PCDH17: variants seen among roughly 807,000 people sequenced by gnomAD.
The protein encoded by PCDH17 is protocadherin-17.
A neutral mutation model predicts 67.7 loss-of-function variants in PCDH17; 21 were observed. The observed-to-expected ratio is 0.31, with a 90% CI of 0.22 to 0.45. The LOEUF is 0.45. Among genes scored for constraint, PCDH17 ranks in the 20% least tolerant of loss-of-function variants. PCDH17 has a pLI of 1.00. For missense variants in PCDH17, 1,471 were observed against 1,564.8 expected (o/e 0.94, Z 1.01); for synonymous variants, 701 against 656.7 (o/e 1.07, Z -1.03).
At chr13:57,704,037 C>T (rs571896874) in intron 3 of PCDH17, among the ~76,000 whole-genome samples, 1 of 152,062 alleles carries the variant, frequency 6.6e-6, no homozygotes, top group African/African-American at 2.4e-5. Context: ...GAGAAAGTCA[C>T]AGAAAAAAAT....
Position 57,635,056 on chromosome 13 carries a change from C to T in PCDH17, c.2510C>T (p.Thr837Ile), listed in dbSNP as rs1194674712. The T allele has an allele frequency of 2.5e-6, 4 of 1,613,606 alleles. No homozygotes were observed. Among genetic ancestry groups the T allele is most frequent in the African/African-American group, 1.3e-5 (1 of 74,908 alleles). ...CACGCGGGCTGCCACACCAGCTTCACCGGACAAGGGACTAATGCAAGCGAG... is the reference window on the plus strand; with the variant it reads ...CACGCGGGCTGCCACACCAGCTTCATCGGACAAGGGACTAATGCAAGCGAG... ...QGHAGCHTSF[T>I]GQGTNASETP... The change falls in exon 1 of 4, where the codon ACC becomes ATC. Residue 837 changes from threonine (T) to isoleucine (I), a missense_variant. Physicochemically the swap from Thr to Ile is moderately conservative, Grantham distance 89. Coordinates refer to ENST00000377918, the MANE Select transcript of PCDH17 (RefSeq NM_001040429.3).
At chr13:57,718,508 A>T (rs1408556733) in intron 3 of PCDH17, among the ~76,000 whole-genome samples, 1 of 152,098 alleles carries the variant, frequency 6.6e-6, no homozygotes, top group Non-Finnish European at 1.5e-5. Flanking sequence ...TTATGAATAT[A>T]GATTGTTAAG....
intron 3 of PCDH17, among the ~76,000 whole-genome samples, chr13:57,682,282 C>T (rs1477314409): frequency 6.6e-6 from 1 of 151,714 alleles, no homozygotes; most frequent in African/African-American, 2.4e-5. Flanking sequence ...CCTAGTTCTA[C>T]TTGAAATTTC....
chr13:57,666,696 T>G lies in PCDH17; in HGVS notation c.2660T>G (p.Leu887Arg). ...STFKDPERAS[L>R]RDSGHGDSDQ... Reference sequence around the variant, plus strand: ...TTTAAGGACCCAGAAAGAGCCAGCCTGAGAGACAGTGGGCACGGGGACAGT... The same window carrying G: ...TTTAAGGACCCAGAAAGAGCCAGCCGGAGAGACAGTGGGCACGGGGACAGT... Residue 887 changes from leucine (L) to arginine (R), a missense_variant, in exon 3 of 4, where the codon CTG becomes CGG. This residue lies in a region of PCDH17 where 1,163 missense variants were observed against 1,230.0 expected (regional missense o/e 0.95). Transcript: ENST00000377918. The G allele has an allele frequency of 6.2e-7, 1 of 1,613,460 alleles. No homozygotes were observed. The highest frequency in any genetic ancestry group is 8.5e-7 in the Non-Finnish European group (1 of 1,179,634).
intron 3 of PCDH17, among the ~76,000 whole-genome samples, chr13:57,700,265 A>T (rs1332740073): frequency 6.6e-6 from 1 of 151,660 alleles, no homozygotes; most frequent in Non-Finnish European, 1.5e-5. Context: ...GATACCTAAC[A>T]TTCCTCACCT....
At chr13:57,670,340 T>C (rs1955305117) in intron 3 of PCDH17, among the ~76,000 whole-genome samples, 2 of 151,722 alleles carry the variant, frequency 1.3e-5, no homozygotes, top group Admixed American at 6.6e-5. Flanking sequence ...ATCCAAATAA[T>C]TATTTCATGT....
intron 1 of PCDH17, among the ~76,000 whole-genome samples, chr13:57,639,646 A>G (rs1056856465): frequency 1.3e-5 from 2 of 151,924 alleles, no homozygotes; most frequent in Non-Finnish European, 2.9e-5. Context: ...ATAATCCTTC[A>G]GTCTTTTGAA....
chr13:57,719,632 G>T (rs2138100233), intron 3 of PCDH17, among the ~76,000 whole-genome samples: 1 of 152,118 alleles, frequency 6.6e-6, no homozygotes, highest in East Asian at 1.9e-4. Flanking sequence ...AATTACTTTT[G>T]TAGTGCTCTG....
chr13:57,709,845 C>T (rs1377109123), intron 3 of PCDH17: 1 of 152,170 alleles, frequency 6.6e-6, no homozygotes, highest in Non-Finnish European at 1.5e-5. Context: ...ATTTGCAAGG[C>T]AGAACATGTG....
At position 57,633,220 on chromosome 13, in the gene PCDH17, C is replaced by A; in HGVS notation, c.674C>A (p.Ala225Asp). 1 of 1,613,320 alleles carries A rather than the reference C, an allele frequency of 6.2e-7. No individual in the cohort carries two copies. Among genetic ancestry groups the A allele is most frequent in the Non-Finnish European group, 8.5e-7 (1 of 1,180,012 alleles). The change falls in exon 1 of 4, where the codon GCC (alanine) becomes GAC (aspartate). Residue 225 changes from alanine (A) to aspartate (D), a missense_variant. By Grantham distance (126) the Ala-to-Asp change is moderately radical. Coordinates refer to ENST00000377918, the MANE Select transcript of PCDH17 (RefSeq NM_001040429.3). The surrounding 1 kb of genome is among the most constrained non-coding windows in gnomAD (Gnocchi z 6.2). ...GACGGTGGCGAGCCTCCACGTTCCGCCACCGTACAGATCAACGTGAAGGTG... is the reference window on the plus strand; with the variant it reads ...GACGGTGGCGAGCCTCCACGTTCCGACACCGTACAGATCAACGTGAAGGTG... ...ALDGGEPPRS[A>D]TVQINVKVID...
chr13:57,693,345 T>TATATATATATATATATATA (rs1955578085), intron 3 of PCDH17, among the ~76,000 whole-genome samples: 2 of 137,854 alleles, frequency 1.5e-5, no homozygotes, highest in African/African-American at 2.7e-5. Flanking sequence ...TATATATATA[T>TATATATATATATATATATA]CAAGGAGTTA....
chr13:57,645,974 T>G (rs1954960768), intron 1 of PCDH17, among the ~76,000 whole-genome samples: 1 of 151,578 alleles, frequency 6.6e-6, no homozygotes, highest in Admixed American at 6.6e-5. Context: ...AAAGTATAAA[T>G]ATTTATTTTC....
intron 3 of PCDH17, among the ~76,000 whole-genome samples, chr13:57,701,021 A>T (rs895655229): frequency 1.3e-5 from 2 of 152,076 alleles, no homozygotes; most frequent in African/African-American, 4.8e-5. Context: ...TATAATAATA[A>T]CAGCAACAAT....
intron 1 of PCDH17, among the ~76,000 whole-genome samples, chr13:57,641,226 ATAGT>A (rs936856197): frequency 2.0e-5 from 3 of 151,738 alleles, no homozygotes; most frequent in African/African-American, 7.3e-5. Context: ...ACAGTATTTT[ATAGT>A]TAGTCATAAG....
At chr13:57,701,120 C>G (rs985553818) in intron 3 of PCDH17, among the ~76,000 whole-genome samples, 5 of 151,972 alleles carry the variant, frequency 3.3e-5, no homozygotes, top group African/African-American at 1.2e-4. Flanking sequence ...ATAAACCTTC[C>G]TTATTATTTT....
chr13:57,720,056 A>G (rs960558943), intron 3 of PCDH17, among the ~76,000 whole-genome samples: 7 of 152,026 alleles, frequency 4.6e-5, no homozygotes, highest in South Asian at 2.1e-4. Flanking sequence ...AGATAATTTG[A>G]TGTTTTTATC....
rs1446803759 is a variant in PCDH17 at position 57,635,053 on chromosome 13, T to G, written c.2507T>G (p.Phe836Cys). ...PQGHAGCHTS[F>C]TGQGTNASET... ...GGGCACGCGGGCTGCCACACCAGCT[T>G]CACCGGACAAGGGACTAATGCAAGC... Residue 836 changes from phenylalanine to cysteine, a missense_variant, in exon 1 of 4, where the codon TTC becomes TGC. Phe to Cys is a radical substitution (Grantham distance 205). Around this residue, in one of 3 missense-constraint regions of PCDH17, gnomAD observed 1,163 missense variants for 1,230.0 expected, o/e 0.95. Transcript: ENST00000377918. The G allele has an allele frequency of 6.8e-6, 11 of 1,613,550 alleles. No individual in the cohort carries two copies. In the Admixed American group the frequency reaches 1.8e-4, roughly 27 times the overall value.
At chr13:57,690,092 A>T (rs1228231251) in intron 3 of PCDH17, among the ~76,000 whole-genome samples, 2 of 151,658 alleles carry the variant, frequency 1.3e-5, no homozygotes, top group Non-Finnish European at 3.0e-5. Flanking sequence ...TCTTCACATA[A>T]CCAGGCCAGT....
intron 3 of PCDH17, among the ~76,000 whole-genome samples, 175 bp from the exon 4 acceptor site, chr13:57,724,437 T>A (rs1955895852): frequency 6.6e-6 from 1 of 152,234 alleles, no homozygotes; most frequent in Non-Finnish European, 1.5e-5. Context: ...TAAACCATTG[T>A]CTCAACCAGC....
Sources: gnomAD v4.1 joint callset for allele counts (sites outside exome capture counted in the v4.1 genomes callset) on GRCh38, gnomAD v4.1.1 for gene constraint, gnomAD v4.1.1 regional missense constraint, Gnocchi (gnomAD v3.1) non-coding constraint, MANE v1.5 for transcripts, NCBI Gene and HGNC (gene_info 2026-07-23, HGNC 2026-07-21) for gene names.